Variants in SYN2 observed in about 807,000 individuals in gnomAD.
The protein encoded by SYN2 is synapsin II, also known as synapsin-2.
In SYN2, 19 loss-of-function variants were observed where a neutral mutation model predicts 50.9. The ratio of observed to expected loss-of-function variants is 0.37; its 90% CI spans 0.26 to 0.55. The LOEUF is 0.55. Ranked by LOEUF, SYN2 falls within the 20% of genes least tolerant of loss-of-function variation. The probability of loss-of-function intolerance (pLI) is 0.81; values close to 1 mark genes in which losing one functional copy is unlikely to be tolerated. For missense variants in SYN2, 587 were observed against 576.4 expected (o/e 1.02, Z -0.19); for synonymous variants, 255 against 224.9 (o/e 1.13, Z -1.20).
chr3:12,136,418 C>CA (rs1696893632), intron 1 of SYN2, among the ~76,000 whole-genome samples: 1 of 152,210 alleles, frequency 6.6e-6, no homozygotes, highest in Non-Finnish European at 1.5e-5. Context: ...AACTAAGACT[C>CA]AGAGACGCAT....
intron 1 of SYN2, among the ~76,000 whole-genome samples, chr3:12,039,050 T>A (rs1368995973): frequency 6.6e-6 from 1 of 152,192 alleles, no homozygotes; most frequent in Non-Finnish European, 1.5e-5. Context: ...TTTTTATAGA[T>A]GCTCTTTATT....
In SYN2 at chr3:12,166,777, A is replaced by G. The variant is rs931182898; in HGVS notation, c.981-457A>G. On this transcript the variant is annotated intron_variant, in intron 7 of 12. Coordinates refer to ENST00000621198, the MANE Select transcript of SYN2 (RefSeq NM_133625.6). ...TCAGGATTGATGGAATTCAGTTTGTATGTATCAAGTCAGTATAGATACTGA... is the reference window on the plus strand; with the variant it reads ...TCAGGATTGATGGAATTCAGTTTGTGTGTATCAAGTCAGTATAGATACTGA... Among the ~76,000 whole-genome samples, 7 of 152,248 alleles carry G rather than the reference A, an allele frequency of 4.6e-5. No homozygotes were observed. In the South Asian group the frequency reaches 1.0e-3, roughly 22 times the overall value.
chr3:12,143,283 CTGTT>C (rs773634792), intron 3 of SYN2, among the ~76,000 whole-genome samples: 1 of 152,078 alleles, frequency 6.6e-6, no homozygotes, highest in African/African-American at 2.4e-5. Flanking sequence ...TGCCATATTT[CTGTT>C]TGTTTGTTTA....
At chr3:12,048,964 T>C (rs1694799300) in intron 1 of SYN2, among the ~76,000 whole-genome samples, 1 of 152,224 alleles carries the variant, frequency 6.6e-6, no homozygotes, top group Non-Finnish European at 1.5e-5. Flanking sequence ...AACCTATATG[T>C]CAGTCTTTTC....
At chr3:12,074,138 T>C (rs1402791034) in intron 1 of SYN2, among the ~76,000 whole-genome samples, 1 of 152,138 alleles carries the variant, frequency 6.6e-6, no homozygotes, top group African/African-American at 2.4e-5. Flanking sequence ...TTAGTTCTGT[T>C]TTATCTATCA....
intron 1 of SYN2, among the ~76,000 whole-genome samples, chr3:12,017,976 A>G (rs1694058052): frequency 6.6e-6 from 1 of 152,238 alleles, no homozygotes; most frequent in Non-Finnish European, 1.5e-5. Flanking sequence ...TACTTTGAGC[A>G]CTATCACATT....
intron 1 of SYN2, among the ~76,000 whole-genome samples, chr3:12,124,305 AAG>A (rs1696619925): frequency 6.6e-6 from 1 of 152,220 alleles, no homozygotes; most frequent in South Asian, 2.1e-4. Flanking sequence ...GAGGAGAGTA[AAG>A]AGAGAAGGGG....
chr3:12,085,247 A>C (rs1453438675), intron 1 of SYN2, among the ~76,000 whole-genome samples: 2 of 152,164 alleles, frequency 1.3e-5, no homozygotes. Context: ...GACAAAATAG[A>C]CTTTAATTCA....
chr3:12,050,707 T>TTC lies in SYN2; in HGVS notation c.377+45783_377+45784dup, dbSNP rs1559399650. ...TTGGAATAATCTCATCTTTCTTCTC[T>TTC]TCTCTTTTTTTTTTTTTTTTTTTTT... On this transcript the variant is annotated intron_variant, in intron 1 of 12. Transcript: ENST00000621198. 1.2e-3 allele frequency among the ~76,000 whole-genome samples: 149 copies of TTC among 126,550 alleles called. 2 individuals are homozygous for TTC. Among genetic ancestry groups the TTC allele is most frequent in the East Asian group, 7.1e-3 (31 of 4,374 alleles). The allele number at this position is 126,550 out of a possible 152,430, so 83.0% of individuals were successfully genotyped here. A position where few individuals can be genotyped will look rare whatever the true frequency, so the allele number is the denominator to read the frequency against.
At chr3:12,178,214 T>A (rs1354192461) in intron 10 of SYN2, among the ~76,000 whole-genome samples, 2 of 152,164 alleles carry the variant, frequency 1.3e-5, no homozygotes, top group Non-Finnish European at 2.9e-5. Flanking sequence ...CTGGCCTCTT[T>A]CCTGGGGCCA....
chr3:12,133,668 C>G (rs1259277036), intron 1 of SYN2, among the ~76,000 whole-genome samples: 1 of 152,222 alleles, frequency 6.6e-6, no homozygotes, highest in African/African-American at 2.4e-5. Context: ...CTGAAATGAT[C>G]TTAAGCACTG....
At position 12,158,744 on chromosome 3, in the gene SYN2, C is replaced by T. The variant is rs368008557; in HGVS notation, c.775-2802C>T. ...ATGTGCTGCTGAGGGTGCGCCGGGGCGCAGCTGCATGCCTCACCCAGCCCC... is the reference window on the plus strand; with the variant it reads ...ATGTGCTGCTGAGGGTGCGCCGGGGTGCAGCTGCATGCCTCACCCAGCCCC... On this transcript the variant is annotated intron_variant, in intron 5 of 12. Transcript: ENST00000621198. The T allele has an allele frequency of 6.1e-5, 98 of 1,608,884 alleles. No individual in the cohort carries two copies. The highest frequency in any genetic ancestry group is 1.2e-4 in the South Asian group (11 of 91,048).
chr3:12,105,752 A>G (rs1448294633), intron 1 of SYN2, among the ~76,000 whole-genome samples: 1 of 152,038 alleles, frequency 6.6e-6, no homozygotes, highest in Non-Finnish European at 1.5e-5. Context: ...ATTCACGGCA[A>G]GGTCTGCAGG....
At chr3:12,101,876 A>T (rs1696084704) in intron 1 of SYN2, among the ~76,000 whole-genome samples, 1 of 152,150 alleles carries the variant, frequency 6.6e-6, no homozygotes, top group Non-Finnish European at 1.5e-5. Flanking sequence ...AAGGCATTTA[A>T]CAGCAATGTC....
At chr3:12,054,334 G>A (rs1694941465) in intron 1 of SYN2, among the ~76,000 whole-genome samples, 1 of 152,112 alleles carries the variant, frequency 6.6e-6, no homozygotes, top group African/African-American at 2.4e-5. Flanking sequence ...TGCAATTTTG[G>A]GGGAAGCAAG....
chr3:12,093,398 T>G (rs1435531750), intron 1 of SYN2, among the ~76,000 whole-genome samples: 1 of 152,184 alleles, frequency 6.6e-6, no homozygotes, highest in Admixed American at 6.5e-5. Flanking sequence ...AGACCCACTT[T>G]GACAAGTGTG....
At chr3:12,051,741 T>G (rs551924986) in intron 1 of SYN2, among the ~76,000 whole-genome samples, 1 of 152,322 alleles carries the variant, frequency 6.6e-6, no homozygotes, top group Non-Finnish European at 1.5e-5. Context: ...AGAGGAAATA[T>G]TCCTTAAATG....
At chr3:12,020,883 AT>A (rs1559388155) in intron 1 of SYN2, among the ~76,000 whole-genome samples, 1 of 152,232 alleles carries the variant, frequency 6.6e-6, no homozygotes, top group East Asian at 1.9e-4. Context: ...GTAATAAAGT[AT>A]GATTTATTAT....
At chr3:12,177,527 T>A (rs999049535) in intron 10 of SYN2, among the ~76,000 whole-genome samples, 1 of 151,888 alleles carries the variant, frequency 6.6e-6, no homozygotes, top group African/African-American at 2.4e-5. Flanking sequence ...TAGGGAGGGG[T>A]CTCTGATCCC....
Sources: allele counts gnomAD v4.1 joint callset (sites outside exome capture counted in the v4.1 genomes callset), GRCh38; gene constraint gnomAD v4.1.1; transcripts MANE v1.5; gene names NCBI Gene and HGNC (gene_info 2026-07-23, HGNC 2026-07-21).